The following ADGRL3 variants were observed in gnomAD, a reference collection of about 807,000 sequenced individuals.
The protein encoded by ADGRL3 is calcium-independent alpha-latrotoxin receptor 3.
ADGRL3 carries 62 observed loss-of-function variants against 153.5 expected under a neutral mutation model. The ratio of observed to expected loss-of-function variants is 0.40; its 90% CI spans 0.33 to 0.50. The LOEUF (loss-of-function observed/expected upper bound fraction) is 0.50. ADGRL3 is among the 20% of genes least tolerant of loss of function. The pLI is 0.47. For synonymous variants in ADGRL3, 710 were observed against 672.5 expected, an observed-to-expected ratio of 1.06 and a Z score of -0.86; for missense variants, 1,641 against 1,859.4, an observed-to-expected ratio of 0.88 and a Z score of 2.16.
intron 21 of ADGRL3, among the ~76,000 whole-genome samples, chr4:62,005,702 CTA>C (rs2099154924): frequency 6.6e-6 from 1 of 151,682 alleles, no homozygotes; most frequent in Non-Finnish European, 1.5e-5. Context: ...ATTCATAAGA[CTA>C]TAGTTTTTCC....
chr4:61,659,893 A>G (rs1464660403), intron 5 of ADGRL3, among the ~76,000 whole-genome samples: 1 of 87,972 alleles, frequency 1.1e-5, no homozygotes, highest in African/African-American at 3.8e-5. Context: ...TCAAGTGAAG[A>G]TTACAAAAAA....
intron 1 of ADGRL3, among the ~76,000 whole-genome samples, chr4:61,295,772 A>G (rs1334241892): frequency 1.3e-5 from 2 of 151,816 alleles, no homozygotes; most frequent in Admixed American, 6.6e-5. Context: ...CAGCCTAGGC[A>G]ACATAGAGAG....
intron 15 of ADGRL3, among the ~76,000 whole-genome samples, chr4:61,936,334 C>A (rs1049937667): frequency 2.0e-5 from 3 of 152,112 alleles, no homozygotes; most frequent in Admixed American, 6.6e-5. Context: ...GAGGATCTGA[C>A]ATCTTTCCTC....
intron 1 of ADGRL3, among the ~76,000 whole-genome samples, chr4:61,312,149 A>C (rs1429257892): frequency 6.6e-6 from 1 of 152,204 alleles, no homozygotes; most frequent in African/African-American, 2.4e-5. Context: ...CAAAAGTGCA[A>C]AGGCAATTTA....
At chr4:62,008,447 T>C (rs559347836) in intron 21 of ADGRL3, among the ~76,000 whole-genome samples, 2 of 152,278 alleles carry the variant, frequency 1.3e-5, no homozygotes, top group East Asian at 1.9e-4. Context: ...ATTATTTCTT[T>C]ATGTGATAAA....
At chr4:61,956,856 G>A (rs186274136) in intron 17 of ADGRL3, among the ~76,000 whole-genome samples, 1 of 152,186 alleles carries the variant, frequency 6.6e-6, no homozygotes, top group African/African-American at 2.4e-5. Flanking sequence ...TAGATGTGTG[G>A]TGTTATTTCT....
chr4:61,769,889 G>T (rs1365272252), intron 8 of ADGRL3, among the ~76,000 whole-genome samples: 1 of 151,928 alleles, frequency 6.6e-6, no homozygotes, highest in African/African-American at 2.4e-5. Context: ...CTTCTTTTGT[G>T]GTGGAATGTC....
intron 6 of ADGRL3, among the ~76,000 whole-genome samples, chr4:61,690,293 A>T (rs1365711386): frequency 6.6e-6 from 1 of 152,046 alleles, no homozygotes; most frequent in African/African-American, 2.4e-5. Flanking sequence ...AAAAATAAAA[A>T]ATTAGCCAGG....
At chr4:61,849,279 A>T (rs903588547) in intron 9 of ADGRL3, among the ~76,000 whole-genome samples, 1 of 152,092 alleles carries the variant, frequency 6.6e-6, no homozygotes, top group Non-Finnish European at 1.5e-5. Flanking sequence ...AAAAGTCACA[A>T]AGAAAGAGAT....
chr4:61,888,621 G>A (rs187650087), intron 9 of ADGRL3, among the ~76,000 whole-genome samples: 1 of 152,142 alleles, frequency 6.6e-6, no homozygotes, highest in African/African-American at 2.4e-5. Flanking sequence ...GGGGATCAGG[G>A]ACAGCCTTTA....
intron 19 of ADGRL3, among the ~76,000 whole-genome samples, chr4:61,992,040 A>G (rs1007075541): frequency 6.6e-6 from 1 of 151,602 alleles, no homozygotes; most frequent in Non-Finnish European, 1.5e-5. Context: ...AATATAATGT[A>G]TAGATGATAT....
chr4:61,324,761 T>A (rs1194067901), intron 1 of ADGRL3, among the ~76,000 whole-genome samples: 1 of 152,160 alleles, frequency 6.6e-6, no homozygotes, highest in African/African-American at 2.4e-5. Context: ...GATTTAAGAT[T>A]TTTAACACCA....
intron 1 of ADGRL3, among the ~76,000 whole-genome samples, chr4:61,243,510 G>A (rs1560379727): frequency 6.6e-6 from 1 of 151,940 alleles, no homozygotes; most frequent in Non-Finnish European, 1.5e-5. Flanking sequence ...TTTTGTCTTC[G>A]AATTACAGGT....
intron 4 of ADGRL3, among the ~76,000 whole-genome samples, chr4:61,555,868 T>C (rs2098763603): frequency 6.6e-6 from 1 of 152,132 alleles, no homozygotes; most frequent in South Asian, 2.1e-4. Context: ...ACTGCGCTGG[T>C]GGGAGTGAAG....
At chr4:61,852,057 G>T (rs185231212) in intron 9 of ADGRL3, among the ~76,000 whole-genome samples, 9 of 152,212 alleles carry the variant, frequency 5.9e-5, no homozygotes, top group Admixed American at 2.6e-4. Context: ...AAGTTTACAT[G>T]TTGGGAATCT....
chr4:61,591,564 T>C (rs1309412769), intron 5 of ADGRL3, among the ~76,000 whole-genome samples: 1 of 152,100 alleles, frequency 6.6e-6, no homozygotes, highest in Non-Finnish European at 1.5e-5. Flanking sequence ...TTTCTGGAGG[T>C]ATGGAAATAG....
At chr4:61,984,579 CA>C (rs2099079216) in intron 19 of ADGRL3, among the ~76,000 whole-genome samples, 1 of 152,020 alleles carries the variant, frequency 6.6e-6, no homozygotes, top group Non-Finnish European at 1.5e-5. Context: ...AGAAGCAAAA[CA>C]AAACTAAAAC....
At chr4:61,761,574 G>T (rs1016767831) in intron 8 of ADGRL3, among the ~76,000 whole-genome samples, 1 of 152,114 alleles carries the variant, frequency 6.6e-6, no homozygotes, top group African/African-American at 2.4e-5. Flanking sequence ...CAGGAGGATT[G>T]CTTGAAGCGA....
intron 1 of ADGRL3, among the ~76,000 whole-genome samples, chr4:61,346,125 G>C (rs1397652301): frequency 6.6e-6 from 1 of 152,018 alleles, no homozygotes; most frequent in African/African-American, 2.4e-5. Flanking sequence ...CAGTGACTAG[G>C]CATACTGGTA....
Sources: gnomAD v4.1 joint callset for allele counts (sites outside exome capture counted in the v4.1 genomes callset) on GRCh38, gnomAD v4.1.1 for gene constraint, MANE v1.5 for transcripts, NCBI Gene and HGNC (gene_info 2026-07-23, HGNC 2026-07-21) for gene names.